MOGAT1: variants seen among roughly 807,000 people sequenced by gnomAD.
The protein encoded by MOGAT1 is monoacylglycerol O-acyltransferase 1, also known as 2-acylglycerol O-acyltransferase 1.
MOGAT1 carries 32 observed loss-of-function variants against 31.4 expected under a neutral mutation model. That is an observed-to-expected ratio of 1.02 (90% CI 0.77 to 1.37). The LOEUF (loss-of-function observed/expected upper bound fraction) is 1.37. Ranked by LOEUF, MOGAT1 falls within the 40% of genes most tolerant of loss-of-function variation. MOGAT1 has a pLI of 0.00. For synonymous variants in MOGAT1, 145 were observed against 144.5 expected, an observed-to-expected ratio of 1.00 and a Z score of -0.03; for missense variants, 426 against 402.0, an observed-to-expected ratio of 1.06 and a Z score of -0.51.
At chr2:222,673,272 T>G (rs1447237803) in intron 1 of MOGAT1, among the ~76,000 whole-genome samples, 3 of 140,486 alleles carry the variant, frequency 2.1e-5, no homozygotes, top group Admixed American at 7.5e-5. Context: ...TTTTTTTTTT[T>G]CCTTTTTCCT....
At chr2:222,674,693 A>C (rs1287778148) in intron 1 of MOGAT1, among the ~76,000 whole-genome samples, 1 of 152,246 alleles carries the variant, frequency 6.6e-6, no homozygotes, top group African/African-American at 2.4e-5. Context: ...TAAATACTTT[A>C]GTTTGCATAT....
At chr2:222,707,355 AAGAAAG>A (rs778034230) in intron 5 of MOGAT1, among the ~76,000 whole-genome samples, 19,344 of 110,604 alleles carry the variant, frequency 0.17, 1,316 homozygotes, top group Middle Eastern at 0.28. Context: ...AAGAAAAAGA[AAGAAAG>A]AGAAAGAAAG....
At chr2:222,701,929 G>A (rs897177774) in intron 5 of MOGAT1, among the ~76,000 whole-genome samples, 4 of 152,184 alleles carry the variant, frequency 2.6e-5, no homozygotes, top group Non-Finnish European at 4.4e-5. Context: ...AGAAGAGACC[G>A]TTAAAATTAT....
intron 5 of MOGAT1, among the ~76,000 whole-genome samples, chr2:222,704,348 G>A (rs1692971746): frequency 6.6e-6 from 1 of 152,190 alleles, no homozygotes; most frequent in Non-Finnish European, 1.5e-5. Context: ...ATCCCGGCCA[G>A]GCGCGGTGGC....
intron 5 of MOGAT1, among the ~76,000 whole-genome samples, chr2:222,698,051 G>C (rs1457677728): frequency 1.3e-5 from 2 of 152,164 alleles, no homozygotes; most frequent in African/African-American, 2.4e-5. Flanking sequence ...ATAAGACATT[G>C]AGATTCTTAT....
rs57706625 is a variant in MOGAT1 at position 222,673,331 on chromosome 2, C to CAAAAAAAAAAAAA, written c.94+1455_94+1467dup. Among the ~76,000 whole-genome samples, 8 of 102,222 alleles carry CAAAAAAAAAAAAA rather than the reference C, an allele frequency of 7.8e-5. 1 individual carries two copies. The highest frequency in any genetic ancestry group is 2.7e-4 in the African/African-American group (6 of 22,524). 67.1% of individuals were successfully genotyped at this position (102,222 alleles called of 152,430 possible). A position where few individuals can be genotyped will look rare whatever the true frequency, so the allele number is the denominator to read the frequency against. ...TCCTGTGCTGCTAGGTAGAATTTAC[C>CAAAAAAAAAAAAA]AAAAAAAAAAAAAAATGTAATTCAA... On this transcript the variant is annotated intron_variant, in intron 1 of 5. Transcript: ENST00000446656.
chr2:222,709,042 A>C (rs1344299948), intron 5 of MOGAT1, among the ~76,000 whole-genome samples: 1 of 152,154 alleles, frequency 6.6e-6, no homozygotes, highest in African/African-American at 2.4e-5. Context: ...TTAGAAAGAC[A>C]CTCAAAAGAG....
chr2:222,698,381 C>T (rs984879583), intron 5 of MOGAT1, among the ~76,000 whole-genome samples: 2 of 152,180 alleles, frequency 1.3e-5, no homozygotes, highest in African/African-American at 4.8e-5. Flanking sequence ...AGGTAGACAA[C>T]ATTATAGATT....
intron 1 of MOGAT1, among the ~76,000 whole-genome samples, chr2:222,676,064 C>G (rs1235900129): frequency 6.6e-6 from 1 of 151,930 alleles, no homozygotes; most frequent in Non-Finnish European, 1.5e-5. Context: ...TTTAAAGTAG[C>G]AAAATGTTTC....
At chr2:222,703,746 C>A (rs1692964291) in intron 5 of MOGAT1, among the ~76,000 whole-genome samples, 1 of 152,128 alleles carries the variant, frequency 6.6e-6, no homozygotes, top group South Asian at 2.1e-4. Flanking sequence ...AGCTATGTAG[C>A]ATGTTGGAGA....
At position 222,694,134 on chromosome 2, in the gene MOGAT1, G is replaced by A. The variant is rs547729990; in HGVS notation, c.479-228G>A. ...ACAAGTGGTAGACCTAGTAATGACT[G>A]AATGACATTTTAAAGACCTAGCCCA... is the stretch of plus-strand genomic sequence containing the variant. On this transcript the variant is annotated intron_variant, in intron 3 of 5. Transcript: ENST00000446656. Among the ~76,000 whole-genome samples, 39 of 152,206 alleles carry A rather than the reference G, an allele frequency of 2.6e-4. No individual in the cohort carries two copies. The East Asian group carries it at 5.8e-3, about 23-fold the overall frequency.
chr2:222,676,257 G>A (rs1309023404), intron 1 of MOGAT1, among the ~76,000 whole-genome samples: 1 of 151,596 alleles, frequency 6.6e-6, no homozygotes, highest in South Asian at 2.1e-4. Context: ...AAAATGCTGG[G>A]ATTACAGGTG....
chr2:222,703,390 T>TTTTG (rs369248398), intron 5 of MOGAT1, among the ~76,000 whole-genome samples: 1 of 152,118 alleles, frequency 6.6e-6, no homozygotes, highest in Non-Finnish European at 1.5e-5. Flanking sequence ...CTGAGGGTTT[T>TTTTG]TTTGTTTGTT....
intron 1 of MOGAT1, among the ~76,000 whole-genome samples, chr2:222,687,694 T>A (rs79437005): frequency 6.6e-6 from 1 of 152,206 alleles, no homozygotes; most frequent in African/African-American, 2.4e-5. Context: ...CATGCTAAGA[T>A]CTGAAGAGTC....
intron 1 of MOGAT1, among the ~76,000 whole-genome samples, chr2:222,686,950 T>TA (rs979833636): frequency 2.0e-5 from 3 of 151,318 alleles, no homozygotes; most frequent in Admixed American, 2.0e-4. Context: ...CTGTCTCTAC[T>TA]AAAAAATACA....
At chr2:222,690,599 A>G (rs1692745134) in intron 3 of MOGAT1, among the ~76,000 whole-genome samples, 1 of 152,192 alleles carries the variant, frequency 6.6e-6, no homozygotes, top group African/African-American at 2.4e-5. Flanking sequence ...ATGGTCCTCT[A>G]GACTTTTATT....
intron 1 of MOGAT1, among the ~76,000 whole-genome samples, chr2:222,682,803 A>G (rs1295623138): frequency 1.3e-5 from 2 of 152,248 alleles, no homozygotes; most frequent in Non-Finnish European, 2.9e-5. Context: ...CAAAACCTTG[A>G]TGTTAAACAA....
chr2:222,699,527 C>T (rs1158259063), intron 5 of MOGAT1: 1 of 111,304 alleles, frequency 9.0e-6, no homozygotes, highest in African/African-American at 3.6e-5. Flanking sequence ...GACGGAGTCT[C>T]ACTATGTCAC....
intron 1 of MOGAT1, among the ~76,000 whole-genome samples, chr2:222,684,209 G>T (rs1447060805): frequency 2.0e-5 from 3 of 152,118 alleles, no homozygotes; most frequent in African/African-American, 7.2e-5. Flanking sequence ...TTCAAGACCA[G>T]CCTGGCCATC....
Sources: gnomAD v4.1 joint callset for allele counts (sites outside exome capture counted in the v4.1 genomes callset) on GRCh38, gnomAD v4.1.1 for gene constraint, MANE v1.5 for transcripts, NCBI Gene and HGNC (gene_info 2026-07-23, HGNC 2026-07-21) for gene names.